INIP: variants seen among roughly 807,000 people sequenced by gnomAD.
INIP encodes the protein INTS3 and NABP interacting protein, also known as SOSS complex subunit C.
INIP carries 9 observed loss-of-function variants against 14.0 expected under a neutral mutation model. The ratio of observed to expected loss-of-function variants is 0.64; its 90% CI spans 0.39 to 1.12. The LOEUF is 1.12. INIP is among the 50% of genes most tolerant of loss of function. The pLI is 0.01. For missense variants in INIP, 78 were observed against 122.7 expected (o/e 0.64, Z 1.72); for synonymous variants, 37 against 41.5 (o/e 0.89, Z 0.41).
rs1024494902 is a variant in INIP at position 112,699,153 on chromosome 9, TA to T, written c.26-4921del. Among the ~76,000 whole-genome samples, 553 of 150,276 alleles carry T rather than the reference TA, an allele frequency of 3.7e-3. 7 individuals carry two copies. Among genetic ancestry groups the T allele is most frequent in the African/African-American group, 0.013 (523 of 40,972 alleles). ...GGCAACATAGCAAGACCCTATCTCT[TA>T]AAAAAAAAATTTTTTTTTTCCAGTT... On this transcript the variant is annotated intron_variant, in intron 2 of 4. Transcript: ENST00000374242.
chr9:112,707,484 GTTTCTTTTTTTTCCTCCCGCACA>G lies in INIP; in HGVS notation c.25+8954_25+8976del, dbSNP rs566143318. Among the ~76,000 whole-genome samples, 306 of 151,130 alleles carry G rather than the reference GTTTCTTTTTTTTCCTCCCGCACA, an allele frequency of 2.0e-3. 3 individuals are homozygous for G. Among genetic ancestry groups the G allele is most frequent in the Middle Eastern group, 6.9e-3 (2 of 290 alleles). On this transcript the variant is annotated intron_variant, in intron 2 of 4. Coordinates refer to ENST00000374242, the MANE Select transcript of INIP (RefSeq NM_021218.3). The stretch of plus-strand genomic sequence containing the variant: ...CATAGAAACATTTTGACTCCCACAC[GTTTCTTTTTTTTCCTCCCGCACA>G]TTTCTTTTTTTTCCTCCCGCACATT...
At chr9:112,688,666 A>T (rs1282292861) in intron 4 of INIP, among the ~76,000 whole-genome samples, 1 of 151,958 alleles carries the variant, frequency 6.6e-6, no homozygotes, top group Non-Finnish European at 1.5e-5. Flanking sequence ...ACAAAAAATT[A>T]AAAAATTAGC....
Position 112,684,685 on chromosome 9 carries a change from A to T in INIP, c.*2853T>A, listed in dbSNP as rs1135178. 0.18 allele frequency: 26,806 copies of T among 152,164 alleles called. 2,661 individuals carry two copies. Among genetic ancestry groups the T allele is most frequent in the Admixed American group, 0.24 (3,710 of 15,286 alleles). 9.4% of individuals were successfully genotyped at this position (152,164 alleles called of 1,614,324 possible). ...GATTTTTTCGGAAAAAATGCTGGTCAATCCTGTTAAACCATTAAGTTGGCT... is the reference window on the plus strand; with the variant it reads ...GATTTTTTCGGAAAAAATGCTGGTCTATCCTGTTAAACCATTAAGTTGGCT... On this transcript the variant is annotated 3_prime_UTR_variant, in exon 5 of 5. Transcript: ENST00000374242.
rs1327115712 is a variant in INIP, at chr9:112,687,565, A to C, written c.288T>G (p.Pro96=). 1 of 1,609,504 alleles carries C rather than the reference A, an allele frequency of 6.2e-7. No individual in the cohort carries two copies. Among genetic ancestry groups the C allele is most frequent in the Non-Finnish European group, 8.5e-7 (1 of 1,176,342 alleles). The change falls in exon 5 of 5, where the codon CCT becomes CCG. Residue 96 remains proline (P), a synonymous_variant. Coordinates refer to ENST00000374242, the MANE Select transcript of INIP (RefSeq NM_021218.3). ...ATTCTGGGTCAAGGCGAGGTAAAAC[A>C]GGAAGAATAAGGTTCCCAAATGCAG... ...QDSAFGNLIL[P]VLPRLDPE
chr9:112,715,754 C>T (rs1019641873), intron 2 of INIP, among the ~76,000 whole-genome samples: 1 of 143,942 alleles, frequency 6.9e-6, no homozygotes, highest in African/African-American at 2.6e-5. Flanking sequence ...GCCTGGGCAA[C>T]AAGAGCGAAA....
chr9:112,689,669 T>C, intron 3 of INIP, 52 bp from the exon 4 acceptor site: 1 of 1,331,794 alleles, frequency 7.5e-7, no homozygotes, highest in Non-Finnish European at 1.1e-6. Flanking sequence ...ACATCCTTAC[T>C]TTTTTTTGGA....
At chr9:112,711,189 AAGAG>A (rs1303797106) in intron 2 of INIP, among the ~76,000 whole-genome samples, 1 of 152,050 alleles carries the variant, frequency 6.6e-6, no homozygotes, top group African/African-American at 2.4e-5. Flanking sequence ...AATTAAATTA[AAGAG>A]AGAGAGAAAA....
chr9:112,696,347 A>T (rs950031609), intron 2 of INIP, among the ~76,000 whole-genome samples: 1 of 152,110 alleles, frequency 6.6e-6, no homozygotes, highest in Non-Finnish European at 1.5e-5. Context: ...GCACGTCATG[A>T]CTGGCTCCAC....
intron 2 of INIP, among the ~76,000 whole-genome samples, chr9:112,697,469 G>A (rs1838134830): frequency 6.6e-6 from 1 of 152,288 alleles, no homozygotes; most frequent in Middle Eastern, 3.4e-3. Flanking sequence ...CTGTAGGCTA[G>A]CTACTTGGGA....
intron 2 of INIP, among the ~76,000 whole-genome samples, chr9:112,711,058 T>C (rs940089723): frequency 6.6e-6 from 1 of 150,916 alleles, no homozygotes; most frequent in African/African-American, 2.4e-5. Context: ...CGTGGTAGCA[T>C]GTGCCTATAG....
intron 2 of INIP, among the ~76,000 whole-genome samples, chr9:112,700,407 G>T (rs1007911386): frequency 6.6e-6 from 1 of 151,654 alleles, no homozygotes; most frequent in East Asian, 1.9e-4. Flanking sequence ...ATGGTGTATA[G>T]TTCACAAACC....
In INIP at chr9:112,702,301, T is replaced by A. The variant is rs553073970; in HGVS notation, c.26-8068A>T. On this transcript the variant is annotated intron_variant, in intron 2 of 4. Transcript: ENST00000374242. ...AAATTATATGAAGTACAGCCAACAA[T>A]GGAAAAAGCATTAAAAAGCCTATAA... 4.6e-5 allele frequency among the ~76,000 whole-genome samples: 7 copies of A among 152,234 alleles called. No individual in the cohort carries two copies. In the South Asian group the frequency reaches 1.5e-3, roughly 32 times the overall value.
At chr9:112,712,283 A>G (rs948680685) in intron 2 of INIP, among the ~76,000 whole-genome samples, 2 of 152,218 alleles carry the variant, frequency 1.3e-5, no homozygotes, top group Non-Finnish European at 2.9e-5. Flanking sequence ...GTGGAAGCTG[A>G]AAAACACTGC....
intron 2 of INIP, among the ~76,000 whole-genome samples, chr9:112,708,483 G>GGATTCAATATGGATTGAATGGATTCAAT (rs1838552077): frequency 6.6e-6 from 1 of 152,198 alleles, no homozygotes; most frequent in East Asian, 1.9e-4. Context: ...GGAGGAGAGT[G>GGATTCAATATGGATTGAATGGATTCAAT]ATGGATTCAA....
intron 3 of INIP, among the ~76,000 whole-genome samples, chr9:112,691,863 T>G (rs1458990046): frequency 1.3e-5 from 2 of 152,016 alleles, no homozygotes; most frequent in Non-Finnish European, 2.9e-5. Flanking sequence ...TACAAAAGTT[T>G]GCTGGGTGTG....
chr9:112,716,679 G>C (rs922005534), intron 1 of INIP, 138 bp from the exon 2 acceptor site: 3 of 336,858 alleles, frequency 8.9e-6, no homozygotes, highest in Admixed American at 8.7e-5. Context: ...GGGCGCGGTG[G>C]CTCACGCCTG....
intron 2 of INIP, 71 bp from the exon 3 acceptor site, chr9:112,694,304 T>C (rs1838002992): frequency 1.1e-6 from 1 of 899,550 alleles, no homozygotes. Flanking sequence ...GACCTATTTT[T>C]ATAACCTAAG....
At position 112,687,615 on chromosome 9, in the gene INIP, A is replaced by T. The variant is rs1255309100; in HGVS notation, c.238T>A (p.Ser80Thr). 6.3e-7 allele frequency: 1 copy of T among 1,578,448 alleles called. No individual in the cohort carries two copies. The highest frequency in any genetic ancestry group is 1.2e-5 in the South Asian group (1 of 86,742). ...GAGTCTTGAGTGATGAAGTATCCAG[A>T]TGAATGTGCATGAGCATGCTGGGAA... is the stretch of plus-strand genomic sequence containing the variant. ...AALQHAHAHSSGYFITQDSAF... is the reference protein window; with the variant it reads ...AALQHAHAHSTGYFITQDSAF... The change falls in exon 5 of 5, where the codon TCT becomes ACT. Residue 80 changes from serine to threonine, a missense_variant. Transcript: ENST00000374242.
At chr9:112,694,383 C>T (rs373316404) in intron 2 of INIP, 150 bp from the exon 3 acceptor site, 61 of 580,016 alleles carry the variant, frequency 1.1e-4, no homozygotes, top group Non-Finnish European at 1.7e-4. Flanking sequence ...TAAGTACTTT[C>T]CCTAAATGGT....
Sources: gnomAD v4.1 joint callset for allele counts (sites outside exome capture counted in the v4.1 genomes callset) on GRCh38, gnomAD v4.1.1 for gene constraint, MANE v1.5 for transcripts, NCBI Gene and HGNC (gene_info 2026-07-23, HGNC 2026-07-21) for gene names.